ANKUB1: variants seen among roughly 807,000 people sequenced by gnomAD.
ANKUB1 encodes protein ANKUB1.
In ANKUB1, 42 loss-of-function variants were observed where a neutral mutation model predicts 49.3. That is an observed-to-expected ratio of 0.85 (90% CI 0.67 to 1.10). The LOEUF (loss-of-function observed/expected upper bound fraction) is 1.10. ANKUB1 is among the 50% of genes least tolerant of loss of function. The probability of loss-of-function intolerance (pLI) is 0.00; values close to 1 mark genes in which losing one functional copy is unlikely to be tolerated. For missense variants in ANKUB1, 613 were observed against 642.0 expected (o/e 0.95, Z 0.49); for synonymous variants, 222 against 231.0 (o/e 0.96, Z 0.35).
At chr3:149,763,444 CAAAAGGTGATT>C (rs1197309061) in intron 5 of ANKUB1, among the ~76,000 whole-genome samples, 4 of 152,112 alleles carry the variant, frequency 2.6e-5, no homozygotes, top group Non-Finnish European at 5.9e-5. Flanking sequence ...GCTGGAGATA[CAAAAGGTGATT>C]AAAACATACA....
intron 4 of ANKUB1, among the ~76,000 whole-genome samples, chr3:149,768,923 A>G (rs1007774266): frequency 1.3e-5 from 2 of 152,212 alleles, no homozygotes; most frequent in Non-Finnish European, 2.9e-5. Flanking sequence ...AAATTGTTAC[A>G]AGCATAAAAT....
intron 2 of ANKUB1, among the ~76,000 whole-genome samples, chr3:149,782,589 C>T (rs1405861379): frequency 6.6e-6 from 1 of 152,128 alleles, no homozygotes; most frequent in Non-Finnish European, 1.5e-5. Flanking sequence ...CTCTGTTGCC[C>T]AGGCTGAAGT....
At chr3:149,770,439 T>A in intron 4 of ANKUB1, 121 bp downstream of exon 4, 1 of 691,212 alleles carries the variant, frequency 1.4e-6, no homozygotes, top group Non-Finnish European at 2.5e-6. Flanking sequence ...ACATACTAAG[T>A]GGAACTGGCA....
chr3:149,780,753 A>G (rs942552463), intron 2 of ANKUB1, among the ~76,000 whole-genome samples: 1 of 152,242 alleles, frequency 6.6e-6, no homozygotes, highest in African/African-American at 2.4e-5. Flanking sequence ...TCCTGTGCTT[A>G]TGGAGGTGTT....
At chr3:149,771,618 A>G (rs1332162301) in intron 3 of ANKUB1, among the ~76,000 whole-genome samples, 1 of 152,136 alleles carries the variant, frequency 6.6e-6, no homozygotes, top group African/African-American at 2.4e-5. Context: ...TGCCCCTGTC[A>G]TCAGTATTTG....
intron 5 of ANKUB1, among the ~76,000 whole-genome samples, chr3:149,765,135 A>T (rs1716958180): frequency 6.6e-6 from 1 of 152,246 alleles, no homozygotes; most frequent in African/African-American, 2.4e-5. Flanking sequence ...GGAATGCTAC[A>T]TAGAAATAAG....
At chr3:149,780,871 A>G (rs1256817338) in intron 2 of ANKUB1, among the ~76,000 whole-genome samples, 1 of 152,210 alleles carries the variant, frequency 6.6e-6, no homozygotes, top group Non-Finnish European at 1.5e-5. Flanking sequence ...TATTCCTGGC[A>G]AGTGGAACTG....
At chr3:149,764,568 T>TTCCTTCCC (rs1716910214) in intron 5 of ANKUB1, among the ~76,000 whole-genome samples, 2 of 139,854 alleles carry the variant, frequency 1.4e-5, no homozygotes, top group African/African-American at 5.6e-5. Flanking sequence ...CCTTCCTTCC[T>TTCCTTCCC]TCCCTCCCTC....
At chr3:149,770,786 G>T in intron 3 of ANKUB1, 112 bp from the exon 4 acceptor site, 1 of 639,380 alleles carries the variant, frequency 1.6e-6, no homozygotes, top group African/African-American at 1.9e-5. Context: ...GATGCAAAAT[G>T]AAAAATAACC....
At chr3:149,765,528 A>C (rs1014334110) in intron 5 of ANKUB1, among the ~76,000 whole-genome samples, 1 of 151,480 alleles carries the variant, frequency 6.6e-6, no homozygotes, top group African/African-American at 2.4e-5. Context: ...TTTCTTATCT[A>C]AAACCACACA....
chr3:149,770,779 G>T, intron 3 of ANKUB1, 105 bp from the exon 4 acceptor site: 1 of 660,422 alleles, frequency 1.5e-6, no homozygotes, highest in Non-Finnish European at 2.5e-6. Flanking sequence ...TTAGCTAGAT[G>T]CAAAATGAAA....
chr3:149,774,570 T>C (rs567877432), intron 3 of ANKUB1, among the ~76,000 whole-genome samples: 26 of 152,346 alleles, frequency 1.7e-4, no homozygotes, highest in African/African-American at 6.3e-4. Context: ...TGAGACCTGA[T>C]TCTGAAAACT....
intron 1 of ANKUB1, 25 bp downstream of exon 1, chr3:149,792,252 G>T (rs2108285341): frequency 1.4e-6 from 2 of 1,429,210 alleles, no homozygotes; most frequent in Non-Finnish European, 1.9e-6. Context: ...TATACATTTT[G>T]GTGGTTTGGG....
chr3:149,782,258 T>TA (rs982644224), intron 2 of ANKUB1, among the ~76,000 whole-genome samples: 2 of 151,176 alleles, frequency 1.3e-5, no homozygotes, highest in Admixed American at 6.6e-5. Flanking sequence ...AGTCACTCTT[T>TA]AAAAAAAAAA....
intron 3 of ANKUB1, among the ~76,000 whole-genome samples, chr3:149,773,105 T>A (rs1474486177): frequency 6.6e-6 from 1 of 152,188 alleles, no homozygotes; most frequent in African/African-American, 2.4e-5. Flanking sequence ...TTCTTTCTAA[T>A]TCCTAGAGAG....
intron 3 of ANKUB1, among the ~76,000 whole-genome samples, chr3:149,775,904 CGT>C (rs372913663): frequency 6.7e-6 from 1 of 150,170 alleles, no homozygotes; most frequent in African/African-American, 2.4e-5. Context: ...TGTGTGTGTG[CGT>C]GTGTGTGTGT....
chr3:149,764,935 A>T (rs1041771202), intron 5 of ANKUB1, among the ~76,000 whole-genome samples: 1 of 152,112 alleles, frequency 6.6e-6, no homozygotes, highest in Non-Finnish European at 1.5e-5. Flanking sequence ...ACATAAATTT[A>T]TCCTATGACC....
intron 3 of ANKUB1, chr3:149,778,912 T>C (rs1717725775): frequency 6.6e-6 from 1 of 152,166 alleles, no homozygotes; most frequent in African/African-American, 2.4e-5. Flanking sequence ...TCAAATTTCA[T>C]TGCAATGTTA....
chr3:149,765,497 C>T (rs1000165825), intron 5 of ANKUB1, among the ~76,000 whole-genome samples: 1 of 151,960 alleles, frequency 6.6e-6, no homozygotes, highest in African/African-American at 2.4e-5. Context: ...GCACTGTATA[C>T]AACAACAGAC....
Sources: allele counts gnomAD v4.1 joint callset (sites outside exome capture counted in the v4.1 genomes callset), GRCh38; gene constraint gnomAD v4.1.1; transcripts MANE v1.5; gene names NCBI Gene and HGNC (gene_info 2026-07-23, HGNC 2026-07-21).